The following TTC29 variants were observed in gnomAD, a reference collection of about 807,000 sequenced individuals.
The protein encoded by TTC29 is tetratricopeptide repeat protein 29.
TTC29 carries 49 observed loss-of-function variants against 58.1 expected under a neutral mutation model. The observed-to-expected ratio is 0.84, with a 90% CI of 0.67 to 1.07. The LOEUF (loss-of-function observed/expected upper bound fraction) is 1.07, where lower values mean the gene tolerates loss of function less well. Ranked by LOEUF, TTC29 falls within the 50% of genes least tolerant of loss-of-function variation. The pLI, the probability that TTC29 is intolerant of heterozygous loss-of-function variation, is 0.00. For missense variants in TTC29, 582 were observed against 555.6 expected, an observed-to-expected ratio of 1.05 and a Z score of -0.48; for synonymous variants, 209 against 196.8, an observed-to-expected ratio of 1.06 and a Z score of -0.52.
At chr4:146,713,258 G>C (rs1049985408) in intron 11 of TTC29, among the ~76,000 whole-genome samples, 5 of 148,252 alleles carry the variant, frequency 3.4e-5, no homozygotes, top group African/African-American at 1.2e-4. Context: ...TTTAATGTTG[G>C]CATATAATTG....
intron 11 of TTC29, among the ~76,000 whole-genome samples, chr4:146,792,220 G>A (rs1163962806): frequency 1.3e-5 from 2 of 152,172 alleles, no homozygotes; most frequent in Non-Finnish European, 2.9e-5. Context: ...TCAATGCCTG[G>A]CCTTAAAGGA....
At chr4:146,708,484 T>G (rs115465672) in intron 11 of TTC29, among the ~76,000 whole-genome samples, 3,254 of 150,410 alleles carry the variant, frequency 0.022, 123 homozygotes, top group African/African-American at 0.074. Flanking sequence ...TATATGTAGA[T>G]ATATGTGTAT....
chr4:146,719,188 G>GT (rs1189756282), intron 11 of TTC29, among the ~76,000 whole-genome samples: 4 of 117,622 alleles, frequency 3.4e-5, no homozygotes, highest in Non-Finnish European at 3.6e-5. Flanking sequence ...TTGGCTATTG[G>GT]GGTGTGTGTG....
intron 9 of TTC29, among the ~76,000 whole-genome samples, chr4:146,827,548 T>C (rs980300694): frequency 2.6e-5 from 4 of 152,240 alleles, no homozygotes; most frequent in African/African-American, 7.2e-5. Context: ...AAATGAGTTA[T>C]GGTGGAATTT....
At chr4:146,773,314 T>C (rs1454300240) in intron 11 of TTC29, among the ~76,000 whole-genome samples, 1 of 152,196 alleles carries the variant, frequency 6.6e-6, no homozygotes, top group African/African-American at 2.4e-5. Flanking sequence ...AAACCAATGC[T>C]TCCAGCTTGT....
intron 11 of TTC29, among the ~76,000 whole-genome samples, chr4:146,753,337 C>G (rs1009028831): frequency 6.6e-6 from 1 of 152,144 alleles, no homozygotes; most frequent in Non-Finnish European, 1.5e-5. Context: ...AAATGCAAAT[C>G]AAAACCACAA....
chr4:146,835,889 C>T (rs1481044466), intron 8 of TTC29, among the ~76,000 whole-genome samples: 1 of 152,104 alleles, frequency 6.6e-6, no homozygotes, highest in East Asian at 1.9e-4. Context: ...TGGCTCCTAT[C>T]CCACACCACT....
chr4:146,880,327 A>C (rs1013485521), intron 6 of TTC29, among the ~76,000 whole-genome samples: 1 of 152,116 alleles, frequency 6.6e-6, no homozygotes, highest in Admixed American at 6.6e-5. Flanking sequence ...TTTGGCATGC[A>C]TTTATAGTTT....
intron 3 of TTC29, among the ~76,000 whole-genome samples, chr4:146,939,232 A>C (rs1736134447): frequency 6.6e-6 from 1 of 152,158 alleles, no homozygotes; most frequent in Non-Finnish European, 1.5e-5. Context: ...AGGCGGGTGA[A>C]TCACTTGAGG....
At chr4:146,917,891 C>T (rs1443944530) in intron 4 of TTC29, among the ~76,000 whole-genome samples, 3 of 149,344 alleles carry the variant, frequency 2.0e-5, no homozygotes, top group Non-Finnish European at 3.0e-5. Context: ...ATTATATGAA[C>T]TGAAAAAATT....
At chr4:146,929,054 C>T (rs1735135153) in intron 4 of TTC29, among the ~76,000 whole-genome samples, 1 of 151,954 alleles carries the variant, frequency 6.6e-6, no homozygotes, top group Non-Finnish European at 1.5e-5. Context: ...TTGGAAGATA[C>T]TCTAGTAATT....
intron 2 of TTC29, chr4:146,943,969 T>A (rs1229496616): frequency 6.6e-6 from 1 of 152,192 alleles, no homozygotes; most frequent in Non-Finnish European, 1.5e-5. Flanking sequence ...ATATCACCAC[T>A]AGTTATGGCA....
chr4:146,924,244 G>A (rs1272005757), intron 4 of TTC29, among the ~76,000 whole-genome samples: 2 of 151,652 alleles, frequency 1.3e-5, no homozygotes, highest in Non-Finnish European at 1.5e-5. Context: ...AGATCTTTCA[G>A]CTGCTTAATC....
chr4:146,942,669 C>A, intron 2 of TTC29: 1 of 1,518,428 alleles, frequency 6.6e-7, no homozygotes. Flanking sequence ...AGTTCTTAAC[C>A]CACACCAGTG....
intron 4 of TTC29, among the ~76,000 whole-genome samples, chr4:146,924,902 G>A (rs1326456108): frequency 6.6e-6 from 1 of 151,800 alleles, no homozygotes; most frequent in African/African-American, 2.4e-5. Context: ...ATTTTGACAT[G>A]CTGTGTTTTC....
At chr4:146,939,953 G>A in intron 2 of TTC29, 52 bp from the exon 3 acceptor site, 1 of 1,517,332 alleles carries the variant, frequency 6.6e-7, no homozygotes, top group Non-Finnish European at 8.9e-7. Context: ...ATCTTTCAAA[G>A]GATCCTTTAA....
intron 11 of TTC29, among the ~76,000 whole-genome samples, chr4:146,709,138 T>C (rs1742301201): frequency 1.3e-5 from 2 of 152,156 alleles, no homozygotes; most frequent in South Asian, 2.1e-4. Context: ...AATGTAAAGG[T>C]AGAAGATTAT....
intron 4 of TTC29, among the ~76,000 whole-genome samples, chr4:146,922,012 C>CA (rs34167190): frequency 0.025 from 2,691 of 107,098 alleles, 24 homozygotes; most frequent in East Asian, 0.064. Context: ...GGATCCCCTA[C>CA]AAAAAAAAAA....
chr4:146,877,098 T>G (rs1199326300), intron 6 of TTC29, among the ~76,000 whole-genome samples: 2 of 152,106 alleles, frequency 1.3e-5, no homozygotes, highest in Non-Finnish European at 2.9e-5. Context: ...GATAGGAGAC[T>G]GCAGGCCATG....
Sources: gnomAD v4.1 joint callset for allele counts (sites outside exome capture counted in the v4.1 genomes callset) on GRCh38, gnomAD v4.1.1 for gene constraint, MANE v1.5 for transcripts, NCBI Gene and HGNC (gene_info 2026-07-23, HGNC 2026-07-21) for gene names.